The following SATL1 variants were observed in gnomAD, a reference collection of about 807,000 sequenced individuals.
SATL1 encodes spermidine/spermine N1-acetyl transferase like 1, also known as spermidine/spermine N(1)-acetyltransferase-like protein 1.
A neutral mutation model predicts 51.8 loss-of-function variants in SATL1; 47 were observed. The ratio of observed to expected loss-of-function variants is 0.91; its 90% CI spans 0.72 to 1.16. The LOEUF (loss-of-function observed/expected upper bound fraction) is 1.16. Ranked by LOEUF, SATL1 falls within the 50% of genes most tolerant of loss-of-function variation. SATL1 has a pLI of 0.00. For missense variants in SATL1, 520 were observed against 526.4 expected (o/e 0.99, Z 0.12); for synonymous variants, 176 against 182.4 (o/e 0.97, Z 0.28).
intron 2 of SATL1, among the ~76,000 whole-genome samples, chrX:85,159,076 A>G (rs890823396): frequency 6.3e-5 from 7 of 111,750 alleles, no homozygotes; most frequent in Admixed American, 4.8e-4. Flanking sequence ...CAAGCACTCC[A>G]CAACAGACAA....
chrX:85,094,562 A>G (rs756035831), intron 5 of SATL1, among the ~76,000 whole-genome samples: 2 of 110,935 alleles, frequency 1.8e-5, no homozygotes, highest in African/African-American at 6.6e-5. Context: ...TGGGCAACAT[A>G]GTGACACCCT....
chrX:85,160,512 A>C (rs1236537674), intron 2 of SATL1, among the ~76,000 whole-genome samples: 3 of 111,012 alleles, frequency 2.7e-5, no homozygotes, highest in Non-Finnish European at 5.7e-5. Context: ...TAGAGCTGAA[A>C]AACACACTAC....
chrX:85,096,062 A>G (rs914281599), intron 4 of SATL1, among the ~76,000 whole-genome samples: 1 of 111,326 alleles, frequency 9.0e-6, no homozygotes, highest in African/African-American at 3.3e-5. Context: ...GGAATAAAAT[A>G]CATTAACAAA....
rs781294406 is a variant in SATL1 at position 85,212,920 on chromosome X, A to G, written c.-313+11285T>C. On this transcript the variant is annotated intron_variant, in intron 2 of 7. Coordinates refer to ENST00000644105, the MANE Select transcript of SATL1 (RefSeq NM_001367857.2). Reference sequence around the variant, plus strand: ...TAAGACCTCACTATAGCAAAATGATATGATAGAATTAGACAAATTATGTCA... The same window carrying G: ...TAAGACCTCACTATAGCAAAATGATGTGATAGAATTAGACAAATTATGTCA... 2.7e-5 allele frequency: 3 copies of G among 111,900 alleles called. No individual in the cohort carries two copies. In the South Asian group the frequency reaches 1.1e-3, roughly 41 times the overall value. 9.2% of individuals were successfully genotyped at this position (111,900 alleles called of 1,213,427 possible).
chrX:85,155,696 T>A (rs1926570784), intron 2 of SATL1, among the ~76,000 whole-genome samples: 1 of 110,961 alleles, frequency 9.0e-6, no homozygotes, highest in Non-Finnish European at 1.9e-5. Context: ...TCTGGGAGAT[T>A]CTTTAGTGTA....
intron 2 of SATL1, among the ~76,000 whole-genome samples, chrX:85,139,333 A>G (rs968178989): frequency 1.8e-5 from 2 of 111,823 alleles, no homozygotes; most frequent in African/African-American, 6.5e-5. Flanking sequence ...ACATATCTAT[A>G]CACAACCTCA....
intron 2 of SATL1, among the ~76,000 whole-genome samples, chrX:85,155,699 T>C (rs1219166907): frequency 9.0e-6 from 1 of 111,071 alleles, no homozygotes; most frequent in Non-Finnish European, 1.9e-5. Context: ...GGGAGATTCT[T>C]TAGTGTAGTG....
intron 2 of SATL1, chrX:85,143,110 T>C (rs1000244481): frequency 8.9e-6 from 1 of 111,851 alleles, no homozygotes; most frequent in Admixed American, 9.5e-5. Flanking sequence ...TGGCAAATAA[T>C]AAAACATGAA....
At chrX:85,180,047 T>C (rs1260009155) in intron 2 of SATL1, among the ~76,000 whole-genome samples, 2 of 110,654 alleles carry the variant, frequency 1.8e-5, no homozygotes, top group African/African-American at 6.6e-5. Flanking sequence ...CCTCACAACA[T>C]CCTCAAAACT....
intron 2 of SATL1, among the ~76,000 whole-genome samples, chrX:85,158,085 A>T (rs200414836): frequency 9.0e-6 from 1 of 111,708 alleles, no homozygotes; most frequent in Non-Finnish European, 1.9e-5. Flanking sequence ...GACTTCTCAG[A>T]AGCTAAGACT....
At chrX:85,218,302 T>TA (rs199888721) in intron 2 of SATL1, among the ~76,000 whole-genome samples, 15 of 110,549 alleles carry the variant, frequency 1.4e-4, no homozygotes, top group Admixed American at 4.8e-4. Flanking sequence ...TCCATTCAGT[T>TA]AAAAAAAAAT....
At chrX:85,169,893 T>C (rs765404366) in intron 2 of SATL1, among the ~76,000 whole-genome samples, 1 of 111,827 alleles carries the variant, frequency 8.9e-6, no homozygotes, top group African/African-American at 3.2e-5. Context: ...AATGGTAGAC[T>C]GCATGAAGAA....
chrX:85,187,828 G>A (rs1053312792), intron 2 of SATL1, among the ~76,000 whole-genome samples: 1 of 111,122 alleles, frequency 9.0e-6, no homozygotes, highest in African/African-American at 3.3e-5. Context: ...GAGTTATGCT[G>A]GCCTTGTTAA....
At chrX:85,235,335 C>T (rs1928458586) in intron 1 of SATL1, among the ~76,000 whole-genome samples, 1 of 111,128 alleles carries the variant, frequency 9.0e-6, no homozygotes, top group Non-Finnish European at 1.9e-5. Context: ...TGTACTTAAT[C>T]TGCACTATAG....
intron 2 of SATL1, among the ~76,000 whole-genome samples, chrX:85,151,892 G>T (rs1926449648): frequency 9.0e-6 from 1 of 111,222 alleles, no homozygotes; most frequent in Non-Finnish European, 1.9e-5. Flanking sequence ...ATACCATTCA[G>T]GACATAGGCA....
chrX:85,151,566 A>G (rs958960419), intron 2 of SATL1, among the ~76,000 whole-genome samples: 3 of 111,630 alleles, frequency 2.7e-5, no homozygotes, highest in African/African-American at 9.8e-5. Flanking sequence ...ACTTCAAACT[A>G]TACTACAAGG....
intron 2 of SATL1, among the ~76,000 whole-genome samples, chrX:85,156,901 C>T (rs1317560257): frequency 1.1e-5 from 1 of 92,243 alleles, no homozygotes; most frequent in Non-Finnish European, 2.1e-5. Context: ...TCCAATGTTC[C>T]TAGTAGCACA....
intron 2 of SATL1, among the ~76,000 whole-genome samples, chrX:85,203,847 C>G (rs1395519878): frequency 8.9e-6 from 1 of 112,601 alleles, no homozygotes; most frequent in Non-Finnish European, 1.9e-5. Context: ...GCCAGTGGGT[C>G]TTATCTTGCG....
chrX:85,177,064 T>G (rs751437892), intron 2 of SATL1, among the ~76,000 whole-genome samples: 146 of 111,426 alleles, frequency 1.3e-3, no homozygotes, highest in African/African-American at 4.5e-3. Flanking sequence ...ACAAAATAAC[T>G]GACTAGCATT....
Sources: gnomAD v4.1 joint callset for allele counts (sites outside exome capture counted in the v4.1 genomes callset) on GRCh38, gnomAD v4.1.1 for gene constraint, MANE v1.5 for transcripts, NCBI Gene and HGNC (gene_info 2026-07-23, HGNC 2026-07-21) for gene names.